The following LRP1 variants were observed in gnomAD, a reference collection of about 807,000 sequenced individuals.
The protein encoded by LRP1 is prolow-density lipoprotein receptor-related protein 1.
Under a neutral mutation model 541.5 loss-of-function variants are expected in LRP1, and 51 were observed. That is an observed-to-expected ratio of 0.09 (90% CI 0.08 to 0.12). The LOEUF (loss-of-function observed/expected upper bound fraction) is 0.12, where lower values mean the gene tolerates loss of function less well. Ranked by LOEUF, LRP1 falls within the 10% of genes least tolerant of loss-of-function variation. LRP1 has a pLI of 1.00. For missense variants in LRP1, 3,878 were observed against 6,376.2 expected, an observed-to-expected ratio of 0.61 and a Z score of 13.34; for synonymous variants, 2,219 against 2,470.8, an observed-to-expected ratio of 0.90 and a Z score of 3.02.
chr12:57,194,158 C>G (rs993596279), intron 48 of LRP1, 146 bp downstream of exon 48: 1 of 986,512 alleles, frequency 1.0e-6, no homozygotes, highest in Admixed American at 2.3e-5. Context: ...GAGGCCCTGT[C>G]CCCATCCCGC....
chr12:57,196,509 A>G (rs1042720870), intron 55 of LRP1, among the ~76,000 whole-genome samples: 2 of 152,196 alleles, frequency 1.3e-5, no homozygotes, highest in Non-Finnish European at 2.9e-5. Context: ...TCAAGTAGGC[A>G]AGAGATACAC....
At position 57,204,377 on chromosome 12, in the gene LRP1, C is replaced by T; in HGVS notation, c.10952-33C>T. 2 of 1,510,040 alleles carry T rather than the reference C, an allele frequency of 1.3e-6. No individual in the cohort carries two copies. Among genetic ancestry groups the T allele is most frequent in the Non-Finnish European group, 8.9e-7 (1 of 1,128,522 alleles). The allele number at this position is 1,510,040 out of a possible 1,614,324, so 93.5% of individuals were successfully genotyped here. Reference sequence around the variant, plus strand: ...GACAGGGGTCTGGGTGGGCTCATGGCTCATTCTATCTCTTGGCTCCCCCTG... The same window carrying T: ...GACAGGGGTCTGGGTGGGCTCATGGTTCATTCTATCTCTTGGCTCCCCCTG... On this transcript the variant is annotated intron_variant, in intron 70 of 88. Coordinates refer to ENST00000243077, the MANE Select transcript of LRP1 (RefSeq NM_002332.3). This position sits in a 1 kb window ranked among gnomAD's most constrained non-coding sequence, Gnocchi z 5.3.
At chr12:57,132,002 C>T (rs2035048125) in intron 1 of LRP1, 1 of 152,556 alleles carries the variant, frequency 6.6e-6, no homozygotes, top group South Asian at 2.1e-4. Context: ...GGGTCCTCCT[C>T]ACTCCTCAGA....
At position 57,177,615 on chromosome 12, in the gene LRP1, A is replaced by G. The variant is rs780280979; in HGVS notation, c.4361+24A>G. ...AGGTCAGCACCCTCTGTGCCCTGAG[A>G]AGGCCCAAGTCTGTGGCACCAGGAC... is the stretch of plus-strand genomic sequence containing the variant. On this transcript the variant is annotated intron_variant, in intron 26 of 88. Coordinates refer to ENST00000243077, the MANE Select transcript of LRP1 (RefSeq NM_002332.3). The surrounding 1 kb of genome is among the most constrained non-coding windows in gnomAD (Gnocchi z 6.8). 2 of 1,612,536 alleles carry G rather than the reference A, an allele frequency of 1.2e-6. No homozygotes were observed. The highest frequency in any genetic ancestry group is 1.1e-5 in the South Asian group (1 of 90,876).
Position 57,166,951 on chromosome 12 carries a change from A to T in LRP1, c.2819A>T (p.Gln940Leu). The part of the protein sequence containing the change: ...TCSARTCPPN[Q>L]FSCASGRCIP... ...CCAGCCCGCACCTGCCCCCCCAACC[A>T]GTTCTCCTGTGCCAGTGGCCGCTGC... Residue 940 changes from glutamine to leucine, a missense_variant, in exon 18 of 89, where the codon CAG becomes CTG. Around this residue, in one of 13 missense-constraint regions of LRP1, gnomAD observed 29 missense variants for 20.7 expected, o/e 1.40. Transcript: ENST00000243077. The T allele has an allele frequency of 6.2e-7, 1 of 1,613,226 alleles. No homozygotes were observed. The highest frequency in any genetic ancestry group is 1.1e-5 in the South Asian group (1 of 91,048).
At position 57,185,061 on chromosome 12, in the gene LRP1, G is replaced by T. The variant is rs2036241661; in HGVS notation, c.6339-20G>T. ...TCCTGCCTCCACTGATGCCCTGCTT[G>T]TGCCCTGTCCTTCCCTCAGGACTCA... On this transcript the variant is annotated intron_variant, in intron 39 of 88. Coordinates refer to ENST00000243077, the MANE Select transcript of LRP1 (RefSeq NM_002332.3). This position sits in a 1 kb window ranked among gnomAD's most constrained non-coding sequence, Gnocchi z 4.9. 1 of 1,614,086 alleles carries T rather than the reference G, an allele frequency of 6.2e-7. No homozygotes were observed. Among genetic ancestry groups the T allele is most frequent in the Non-Finnish European group, 8.5e-7 (1 of 1,179,984 alleles).
chr12:57,195,315 C>T lies in LRP1; in HGVS notation c.8353C>T (p.His2785Tyr). 1 of 1,613,714 alleles carries T rather than the reference C, an allele frequency of 6.2e-7. No individual in the cohort carries two copies. The highest frequency in any genetic ancestry group is 1.1e-5 in the South Asian group (1 of 91,088). Residue 2785 changes from histidine (H) to tyrosine (Y), a missense_variant, in exon 52 of 89, where the codon CAC (histidine) becomes TAC (tyrosine). His to Tyr is a moderately conservative substitution (Grantham distance 83, BLOSUM62 2). Transcript: ENST00000243077. ...GPSSFSCPGT[H>Y]VCVPERWLCD... ...CTCCTCCTTCTCCTGCCCTGGCACC[C>T]ACGTGTGCGTCCCCGAGCGCTGGCT...
rs1175716657 is a variant in LRP1 at position 57,183,498 on chromosome 12, G to A, written c.5782G>A (p.Asp1928Asn). 1.9e-6 allele frequency: 3 copies of A among 1,613,494 alleles called. No individual in the cohort carries two copies. The highest frequency in any genetic ancestry group is 2.5e-6 in the Non-Finnish European group (3 of 1,179,596). ...VSGTSLAVGI[D>N]FHAENDTIYW... ...CGGGACCTCGCTGGCTGTCGGCATC[G>A]ACTTCCACGCTGGTGAGCCATTTGG... Residue 1928 changes from aspartate to asparagine, a missense_variant, in exon 35 of 89, where the codon GAC becomes AAC. Asp to Asn is a conservative substitution (Grantham distance 23). Around this residue, in one of 13 missense-constraint regions of LRP1, gnomAD observed 394 missense variants for 635.9 expected, o/e 0.62. Transcript: ENST00000243077. This position sits in a 1 kb window ranked among gnomAD's most constrained non-coding sequence, Gnocchi z 6.1.
At chr12:57,208,626 C>A in intron 77 of LRP1, 85 bp from the exon 78 acceptor site, 1 of 803,536 alleles carries the variant, frequency 1.2e-6, no homozygotes, top group Non-Finnish European at 2.1e-6. Context: ...AGTCCCTGTC[C>A]CCAGACCAAG....
chr12:57,191,612 TACACATACCACACACACACATCCC>T, intron 44 of LRP1, 100 bp downstream of exon 44: 1 of 1,010,942 alleles, frequency 9.9e-7, no homozygotes, highest in Non-Finnish European at 1.4e-6. Context: ...ACACGCACCC[TACACATACCACACACACACATCCC>T]ACACATACTA....
In LRP1 at chr12:57,180,101, C is replaced by T. The variant is rs1161170940; in HGVS notation, c.5196C>T (p.Ser1732=). The T allele has an allele frequency of 1.2e-6, 2 of 1,613,828 alleles. No individual in the cohort carries two copies. The highest frequency in any genetic ancestry group is 1.3e-5 in the African/African-American group (1 of 74,922). Residue 1732 remains serine, a synonymous_variant, in exon 31 of 89, where the codon AGC becomes AGT. Transcript: ENST00000243077. The part of the protein sequence containing the change: ...DNISMANMDG[S]NRTLLFSGQK... Reference sequence around the variant, plus strand: ...TCAGCATGGCCAACATGGATGGCAGCAATCGCACCCTGCTCTTCAGTGGCC... The same window carrying T: ...TCAGCATGGCCAACATGGATGGCAGTAATCGCACCCTGCTCTTCAGTGGCC...
Position 57,184,422 on chromosome 12 carries a change from C to T in LRP1, c.6156C>T (p.Ser2052=), listed in dbSNP as rs2136709901. The change falls in exon 38 of 89, where the codon AGC becomes AGT. Residue 2052 remains serine, a synonymous_variant. Coordinates refer to ENST00000243077, the MANE Select transcript of LRP1 (RefSeq NM_002332.3). The surrounding 1 kb of genome is among the most constrained non-coding windows in gnomAD (Gnocchi z 7.8). ...ERVVLVNVSI[S]WPNGISVDYQ... The stretch of plus-strand genomic sequence containing the variant: ...TGGTGCTGGTCAACGTCAGCATCAG[C>T]TGGCCCAACGGCATCTCAGTGGACT... 6.2e-7 allele frequency: 1 copy of T among 1,614,222 alleles called. No individual in the cohort carries two copies. The highest frequency in any genetic ancestry group is 2.2e-5 in the East Asian group (1 of 44,888).
Position 57,206,564 on chromosome 12 carries a change from C to G in LRP1, c.11682C>G (p.Phe3894Leu), listed in dbSNP as rs746880837. The G allele has an allele frequency of 1.9e-6, 3 of 1,614,206 alleles. No individual in the cohort carries two copies. In the Middle Eastern group the frequency reaches 4.9e-4, roughly 266 times the overall value. Residue 3894 changes from phenylalanine to leucine, a missense_variant, in exon 76 of 89, where the codon TTC becomes TTG. By Grantham distance (22) the Phe-to-Leu change is conservative. This residue lies in a region of LRP1 where 871 missense variants were observed against 1,212.4 expected (regional missense o/e 0.72). Transcript: ENST00000243077. The surrounding 1 kb of genome is among the most constrained non-coding windows in gnomAD (Gnocchi z 4.7). ...CCCATTCGGCTTACGAGCAGGCATT[C>G]CAGGGTGACGAGAGTGTCCGCATTG... is the stretch of plus-strand genomic sequence containing the variant. The part of the protein sequence containing the change: ...GHPHSAYEQA[F>L]QGDESVRIDA...
At chr12:57,182,692 T>G (rs1393301248) in intron 34 of LRP1, among the ~76,000 whole-genome samples, 7 of 151,986 alleles carry the variant, frequency 4.6e-5, no homozygotes, top group Admixed American at 4.6e-4. Flanking sequence ...GGTGCATGCC[T>G]GTAATCCCAG....
intron 68 of LRP1, chr12:57,202,788 C>A (rs1023865912): frequency 1.9e-5 from 11 of 589,388 alleles, no homozygotes; most frequent in Non-Finnish European, 3.0e-5. Flanking sequence ...TGTGCCCGTG[C>A]TCCCACCATA....
chr12:57,168,120 C>T lies in LRP1; in HGVS notation c.2995+596C>T, dbSNP rs34734008. The T allele has an allele frequency of 9.0e-3, 1,392 of 154,292 alleles. 12 individuals carry two copies. The highest frequency in any genetic ancestry group is 0.032 in the African/African-American group (1,334 of 41,538). 9.6% of individuals were successfully genotyped at this position (154,292 alleles called of 1,614,324 possible). A position where few individuals can be genotyped will look rare whatever the true frequency, so the allele number is the denominator to read the frequency against. ...GAGCGGATGTGTTGGGTCAGTGCCA[C>T]GTTGCCCCTCACTTTTTCTGTGTCT... On this transcript the variant is annotated intron_variant, in intron 19 of 88. Coordinates refer to ENST00000243077, the MANE Select transcript of LRP1 (RefSeq NM_002332.3).
intron 15 of LRP1, chr12:57,164,590 A>T (rs900715204): frequency 3.3e-5 from 5 of 152,208 alleles, no homozygotes; most frequent in African/African-American, 9.6e-5. Context: ...ACCCCTAAAA[A>T]CATCCTGGTG....
intron 41 of LRP1, among the ~76,000 whole-genome samples, chr12:57,187,062 T>A (rs1312781038): frequency 6.6e-6 from 1 of 151,984 alleles, no homozygotes; most frequent in Admixed American, 6.6e-5. Context: ...TGACCACAGG[T>A]CATTTGAGTG....
At chr12:57,186,013 C>A in intron 41 of LRP1, 105 bp downstream of exon 41, 1 of 1,316,276 alleles carries the variant, frequency 7.6e-7, no homozygotes, top group Non-Finnish European at 1.0e-6. Context: ...TGAATCCCAG[C>A]AGCTACAACT....
Sources: allele counts gnomAD v4.1 joint callset (sites outside exome capture counted in the v4.1 genomes callset), GRCh38; gene constraint gnomAD v4.1.1; regional missense constraint gnomAD v4.1.1; non-coding constraint Gnocchi (gnomAD v3.1); transcripts MANE v1.5; gene names NCBI Gene and HGNC (gene_info 2026-07-23, HGNC 2026-07-21).